The following BICC1 variants were observed in gnomAD, a reference collection of about 807,000 sequenced individuals.
The protein encoded by BICC1 is BicC family RNA binding protein 1, also known as protein bicaudal C homolog 1.
BICC1 carries 43 observed loss-of-function variants against 111.0 expected under a neutral mutation model. That is an observed-to-expected ratio of 0.39 (90% CI 0.30 to 0.50). The LOEUF (loss-of-function observed/expected upper bound fraction) is 0.50, where lower values mean the gene tolerates loss of function less well. Ranked by LOEUF, BICC1 falls within the 20% of genes least tolerant of loss-of-function variation. BICC1 has a pLI of 0.88. For missense variants in BICC1, 1,091 were observed against 1,203.2 expected (o/e 0.91, Z 1.38); for synonymous variants, 467 against 434.4 (o/e 1.07, Z -0.93).
chr10:58,684,985 C>T (rs1404547496), intron 2 of BICC1, among the ~76,000 whole-genome samples: 1 of 152,150 alleles, frequency 6.6e-6, no homozygotes, highest in Non-Finnish European at 1.5e-5. Context: ...CAGATCTTTC[C>T]TGCTTTCTCT....
intron 9 of BICC1, among the ~76,000 whole-genome samples, chr10:58,795,201 T>C (rs1485222882): frequency 6.6e-6 from 1 of 152,200 alleles, no homozygotes; most frequent in African/African-American, 2.4e-5. Flanking sequence ...ATGGTGTATA[T>C]ATAATATGTA....
intron 1 of BICC1, among the ~76,000 whole-genome samples, chr10:58,525,887 A>G (rs1842526786): frequency 6.6e-6 from 1 of 151,934 alleles, no homozygotes; most frequent in South Asian, 2.1e-4. Context: ...TGTTTTCTGT[A>G]TTTCTAAGCA....
chr10:58,685,461 G>C (rs1264518319), intron 2 of BICC1, among the ~76,000 whole-genome samples: 2 of 152,200 alleles, frequency 1.3e-5, no homozygotes, highest in Admixed American at 1.3e-4. Flanking sequence ...AATGTTGACA[G>C]TAGGGTGTTA....
intron 3 of BICC1, among the ~76,000 whole-genome samples, chr10:58,737,432 C>T (rs1044884857): frequency 1.3e-5 from 2 of 152,274 alleles, no homozygotes; most frequent in Admixed American, 1.3e-4. Context: ...ATGAACTCAT[C>T]CTTCTTTATG....
chr10:58,552,703 A>G (rs563831277), intron 1 of BICC1, among the ~76,000 whole-genome samples: 159 of 152,284 alleles, frequency 1.0e-3, no homozygotes, highest in African/African-American at 3.7e-3. Flanking sequence ...AAATTGAGTT[A>G]AAGTCCTGTT....
At chr10:58,566,495 T>C (rs1843769207) in intron 1 of BICC1, among the ~76,000 whole-genome samples, 1 of 152,184 alleles carries the variant, frequency 6.6e-6, no homozygotes, top group African/African-American at 2.4e-5. Flanking sequence ...GTATAATGAC[T>C]TCTTTTTCCT....
chr10:58,518,590 TG>T (rs1241638049), intron 1 of BICC1, among the ~76,000 whole-genome samples: 11,100 of 34,838 alleles, frequency 0.32, 466 homozygotes, highest in East Asian at 0.4. Context: ...ATGTGTGTGT[TG>T]GGGGGGGGGG....
chr10:58,685,944 A>G (rs1839710372), intron 2 of BICC1, among the ~76,000 whole-genome samples: 1 of 152,120 alleles, frequency 6.6e-6, no homozygotes. Context: ...TAGTTGATGC[A>G]GTTTCTTCCT....
intron 3 of BICC1, among the ~76,000 whole-genome samples, chr10:58,727,341 C>A (rs1176601027): frequency 6.6e-6 from 1 of 152,060 alleles, no homozygotes; most frequent in Non-Finnish European, 1.5e-5. Context: ...AGTCCCAGTA[C>A]TTTGGGAGGC....
intron 2 of BICC1, among the ~76,000 whole-genome samples, chr10:58,637,619 G>A (rs139384332): frequency 1.3e-4 from 20 of 152,332 alleles, no homozygotes; most frequent in African/African-American, 4.3e-4. Context: ...TCCTTCCAGG[G>A]CTACTCATTA....
chr10:58,806,540 T>G, intron 15 of BICC1, 44 bp from the exon 16 acceptor site: 1 of 1,569,090 alleles, frequency 6.4e-7, no homozygotes, highest in Non-Finnish European at 8.8e-7. Flanking sequence ...TGGCATGACA[T>G]TTGGAGAGAC....
chr10:58,807,877 C>T (rs570823419), intron 17 of BICC1, among the ~76,000 whole-genome samples: 1 of 152,254 alleles, frequency 6.6e-6, no homozygotes, highest in South Asian at 2.1e-4. Flanking sequence ...ACTGTACACA[C>T]CCAAACATGG....
intron 1 of BICC1, among the ~76,000 whole-genome samples, chr10:58,581,216 C>G (rs917885012): frequency 2.6e-5 from 4 of 151,920 alleles, no homozygotes; most frequent in Admixed American, 2.0e-4. Context: ...TATGTTGAGG[C>G]CTCTTTTTAA....
At chr10:58,794,832 G>A (rs1397740611) in intron 9 of BICC1, among the ~76,000 whole-genome samples, 8 of 152,104 alleles carry the variant, frequency 5.3e-5, no homozygotes, top group Admixed American at 2.6e-4. Flanking sequence ...TCTGATCATC[G>A]CATTATTCTA....
chr10:58,667,436 C>T (rs1839047308), intron 2 of BICC1, among the ~76,000 whole-genome samples: 1 of 212 alleles, frequency 4.7e-3, no homozygotes, highest in Non-Finnish European at 9.3e-3. Flanking sequence ...TTTGGATACT[C>T]TTATAATTCT....
chr10:58,670,248 A>C (rs1195389002), intron 2 of BICC1, among the ~76,000 whole-genome samples: 1 of 152,156 alleles, frequency 6.6e-6, no homozygotes, highest in Non-Finnish European at 1.5e-5. Flanking sequence ...TCACCTCATC[A>C]GCGTGCATAC....
At chr10:58,655,238 G>A (rs12356829) in intron 2 of BICC1, among the ~76,000 whole-genome samples, 2 of 144,652 alleles carry the variant, frequency 1.4e-5, no homozygotes, top group African/African-American at 2.5e-5. Context: ...TCGTAGCTTT[G>A]TGGGGATGGC....
At chr10:58,745,328 A>G (rs1260538672) in intron 3 of BICC1, among the ~76,000 whole-genome samples, 1 of 152,102 alleles carries the variant, frequency 6.6e-6, no homozygotes, top group Non-Finnish European at 1.5e-5. Context: ...AGTATCTTCA[A>G]CTGTGAGATG....
At chr10:58,648,284 C>T (rs1055414411) in intron 2 of BICC1, among the ~76,000 whole-genome samples, 7 of 152,124 alleles carry the variant, frequency 4.6e-5, no homozygotes, top group Admixed American at 3.9e-4. Context: ...TTCACAACTG[C>T]CCTCTTTGAA....
Sources: gnomAD v4.1 joint callset for allele counts (sites outside exome capture counted in the v4.1 genomes callset) on GRCh38, gnomAD v4.1.1 for gene constraint, MANE v1.5 for transcripts, NCBI Gene and HGNC (gene_info 2026-07-23, HGNC 2026-07-21) for gene names.